Variants in GALNT13 observed in about 807,000 individuals in gnomAD.
The protein encoded by GALNT13 is polypeptide N-acetylgalactosaminyltransferase 13.
In GALNT13, 28 loss-of-function variants were observed where a neutral mutation model predicts 64.2. The ratio of observed to expected loss-of-function variants is 0.44; its 90% CI spans 0.32 to 0.60. GALNT13 has a LOEUF of 0.60. Ranked by LOEUF, GALNT13 falls within the 20% of genes least tolerant of loss-of-function variation. The pLI, the probability that GALNT13 is intolerant of heterozygous loss-of-function variation, is 0.05. For synonymous variants in GALNT13, 214 were observed against 224.6 expected (o/e 0.95, Z 0.42); for missense variants, 577 against 669.8 (o/e 0.86, Z 1.53).
chr2:153,348,308 C>A, the GALNT13 span, among the ~76,000 whole-genome samples: 3 of 152,220 alleles, frequency 2.0e-5, no homozygotes, highest in South Asian at 6.2e-4. Context: ...TGTCTCTATG[C>A]CATTGTGCAT....
chr2:153,690,622 A>G, the GALNT13 span, among the ~76,000 whole-genome samples: 2,493 of 152,272 alleles, frequency 0.016, 56 homozygotes, highest in African/African-American at 0.056. Flanking sequence ...GACTTAACAC[A>G]TCCCCACAAC....
the GALNT13 span, among the ~76,000 whole-genome samples, chr2:153,695,311 AG>A: frequency 6.6e-6 from 1 of 152,226 alleles, no homozygotes; most frequent in East Asian, 1.9e-4. Context: ...CACTCTTATC[AG>A]GGAATGGTGG....
the GALNT13 span, among the ~76,000 whole-genome samples, chr2:153,724,209 A>T: frequency 1.7e-4 from 24 of 143,568 alleles, 1 homozygote; most frequent in South Asian, 4.4e-4. Flanking sequence ...TGGGGAAAGG[A>T]TTCCCTATTT....
At chr2:153,139,414 G>A in the GALNT13 span, among the ~76,000 whole-genome samples, 4 of 151,932 alleles carry the variant, frequency 2.6e-5, no homozygotes, top group African/African-American at 7.2e-5. Flanking sequence ...GTGTCCAGAG[G>A]GATACAAAGT....
At chr2:153,224,783 A>G in the GALNT13 span, among the ~76,000 whole-genome samples, 8 of 152,216 alleles carry the variant, frequency 5.3e-5, no homozygotes, top group Admixed American at 3.3e-4. Context: ...TATGCAAACT[A>G]CTGATATTTA....
At chr2:153,402,889 C>T in the GALNT13 span, among the ~76,000 whole-genome samples, 3 of 152,210 alleles carry the variant, frequency 2.0e-5, no homozygotes, top group Non-Finnish European at 2.9e-5. Context: ...TCCCGTCGCT[C>T]ACAGTAATTT....
the GALNT13 span, chr2:153,171,908 C>A: frequency 6.6e-6 from 1 of 152,046 alleles, no homozygotes; most frequent in East Asian, 1.9e-4. Flanking sequence ...ATGTAGATTA[C>A]TTTCTTCCAT....
At chr2:153,307,817 G>A in the GALNT13 span, among the ~76,000 whole-genome samples, 1 of 151,906 alleles carries the variant, frequency 6.6e-6, no homozygotes, top group Non-Finnish European at 1.5e-5. Context: ...AAAGATACTG[G>A]CTGTCTATAT....
chr2:153,320,623 A>G, the GALNT13 span, among the ~76,000 whole-genome samples: 1 of 152,154 alleles, frequency 6.6e-6, no homozygotes, highest in Non-Finnish European at 1.5e-5. Flanking sequence ...CTTTAATGTT[A>G]TTTGCATGGA....
chr2:154,043,412 TTTTATA>T (rs1699097380), intron 3 of GALNT13, among the ~76,000 whole-genome samples: 1 of 81,006 alleles, frequency 1.2e-5, no homozygotes, highest in Non-Finnish European at 2.3e-5. Flanking sequence ...CTATAAGGAC[TTTTATA>T]TATATATATA....
chr2:153,649,793 T>C, the GALNT13 span, among the ~76,000 whole-genome samples: 4 of 152,092 alleles, frequency 2.6e-5, no homozygotes, highest in South Asian at 2.1e-4. Flanking sequence ...GTTTCTTAAT[T>C]CTGAGTTCTA....
intron 3 of GALNT13, among the ~76,000 whole-genome samples, chr2:154,033,420 C>G (rs1558921251): frequency 6.6e-6 from 1 of 151,750 alleles, no homozygotes; most frequent in Non-Finnish European, 1.5e-5. Context: ...AATTAATTGA[C>G]AAAGGATTTA....
the GALNT13 span, among the ~76,000 whole-genome samples, chr2:153,602,969 G>C: frequency 6.6e-6 from 1 of 151,876 alleles, no homozygotes; most frequent in South Asian, 2.1e-4. Flanking sequence ...TGCAATTGCT[G>C]TGAGGTTAAT....
the GALNT13 span, among the ~76,000 whole-genome samples, chr2:153,152,604 T>A: frequency 9.2e-5 from 14 of 152,092 alleles, 1 homozygote; most frequent in African/African-American, 3.1e-4. Flanking sequence ...TGTGCCTCTA[T>A]GTGTCCATGT....
At chr2:154,159,680 AT>A (rs1051721213) in intron 4 of GALNT13, among the ~76,000 whole-genome samples, 4 of 151,994 alleles carry the variant, frequency 2.6e-5, no homozygotes, top group African/African-American at 9.7e-5. Context: ...TTTTTAATCT[AT>A]TTTTTTCCCA....
rs796498170 is a variant in GALNT13 at position 153,943,963 on chromosome 2, A to G, written c.-104-431A>G. Reference sequence around the variant, plus strand: ...ATTCTTAGGAGGTGTACAGACCCAGACGTGTCTGTCTATGAAGGCCAGATT... The same window carrying G: ...ATTCTTAGGAGGTGTACAGACCCAGGCGTGTCTGTCTATGAAGGCCAGATT... On this transcript the variant is annotated intron_variant, in intron 2 of 12. Coordinates refer to ENST00000392825, the MANE Select transcript of GALNT13 (RefSeq NM_052917.4). 9.2e-5 allele frequency among the ~76,000 whole-genome samples: 14 copies of G among 152,322 alleles called. 1 individual carries two copies. The highest frequency in any genetic ancestry group is 3.4e-4 in the African/African-American group (14 of 41,572).
chr2:153,413,251 G>A, the GALNT13 span, among the ~76,000 whole-genome samples: 1 of 152,116 alleles, frequency 6.6e-6, no homozygotes, highest in Non-Finnish European at 1.5e-5. Context: ...CTCCCCAAGG[G>A]CACAGGATTG....
chr2:153,297,313 G>A, the GALNT13 span, among the ~76,000 whole-genome samples: 1 of 152,116 alleles, frequency 6.6e-6, no homozygotes, highest in African/African-American at 2.4e-5. Context: ...ACCTTTAAAT[G>A]TCAACCCAAA....
chr2:153,180,795 T>C, the GALNT13 span, among the ~76,000 whole-genome samples: 1 of 151,938 alleles, frequency 6.6e-6, no homozygotes, highest in South Asian at 2.1e-4. Flanking sequence ...AATAATTCAT[T>C]CATTTCTTCT....
Sources: allele counts gnomAD v4.1 joint callset (sites outside exome capture counted in the v4.1 genomes callset), GRCh38; gene constraint gnomAD v4.1.1; transcripts MANE v1.5; gene names NCBI Gene and HGNC (gene_info 2026-07-23, HGNC 2026-07-21).